Variants in CA12 observed in about 807,000 individuals in gnomAD.
CA12 encodes the protein carbonate dehydratase XII.
Under a neutral mutation model 46.8 loss-of-function variants are expected in CA12, and 36 were observed. The ratio of observed to expected loss-of-function variants is 0.77; its 90% CI spans 0.59 to 1.02. The LOEUF (loss-of-function observed/expected upper bound fraction) is 1.02. CA12 is among the 50% of genes least tolerant of loss of function. The pLI is 0.00. For synonymous variants in CA12, 202 were observed against 187.0 expected, an observed-to-expected ratio of 1.08 and a Z score of -0.65; for missense variants, 436 against 451.4, an observed-to-expected ratio of 0.97 and a Z score of 0.31.
chr15:63,346,782 T>C (rs2039156089), intron 2 of CA12, 73 bp from the exon 3 acceptor site: 1 of 1,480,614 alleles, frequency 6.8e-7, no homozygotes, highest in African/African-American at 1.4e-5. Flanking sequence ...TAATTCTCTG[T>C]TCAATACAAT....
At position 63,381,514 on chromosome 15, in the gene CA12, A is replaced by G. The variant is rs538708560; in HGVS notation, c.85+122T>C. 41 of 820,072 alleles carry G rather than the reference A, an allele frequency of 5.0e-5. No homozygotes were observed. The African/African-American group carries it at 5.0e-4, about 10-fold the overall frequency. 50.8% of individuals were successfully genotyped at this position (820,072 alleles called of 1,614,324 possible). A position where few individuals can be genotyped will look rare whatever the true frequency, so the allele number is the denominator to read the frequency against. On this transcript the variant is annotated intron_variant, in intron 1 of 10. Coordinates refer to ENST00000178638, the MANE Select transcript of CA12 (RefSeq NM_001218.5). ...GAGCATCCTTTCTTGAGAATCTACT[A>G]TTTGGTACTACACCTTCCCTGCTCC...
rs2039548360 is a variant in CA12, at chr15:63,374,599, T to C, written c.106+1059A>G. On this transcript the variant is annotated intron_variant, in intron 2 of 10. Transcript: ENST00000178638. This position sits in a 1 kb window ranked among gnomAD's most constrained non-coding sequence, Gnocchi z 4.4. ...TGTTAGCAATAACGGAGCCGTGCAG[T>C]GCTGGGGCTGAGGGGACCTTGGCCT... 6.6e-6 allele frequency among the ~76,000 whole-genome samples: 1 copy of C among 152,238 alleles called. No homozygotes were observed. Among genetic ancestry groups the C allele is most frequent in the Non-Finnish European group, 1.5e-5 (1 of 68,048 alleles).
In CA12 at chr15:63,381,751, C is replaced by T. The variant is rs1206269352; in HGVS notation, c.-31G>A. On this transcript the variant is annotated 5_prime_UTR_variant, in exon 1 of 11. Transcript: ENST00000178638. ...CGGGCTCCTGCGGGGCGGGCGCGGG[C>T]TGTGCCGGGGGCTCCCGGTGGCCGC... The T allele has an allele frequency of 4.6e-6, 7 of 1,518,408 alleles. No homozygotes were observed. Among genetic ancestry groups the T allele is most frequent in the Non-Finnish European group, 6.2e-6 (7 of 1,124,376 alleles). The allele number at this position is 1,518,408 out of a possible 1,614,324, so 94.1% of individuals were successfully genotyped here. A position where few individuals can be genotyped will look rare whatever the true frequency, so the allele number is the denominator to read the frequency against.
In CA12 at chr15:63,340,821, C is replaced by G. The variant is rs375327149; in HGVS notation, c.526-38G>C. 5 of 1,582,830 alleles carry G rather than the reference C, an allele frequency of 3.2e-6. No homozygotes were observed. Among genetic ancestry groups the G allele is most frequent in the Non-Finnish European group, 4.3e-6 (5 of 1,151,598 alleles). On this transcript the variant is annotated intron_variant, in intron 5 of 10. Coordinates refer to ENST00000178638, the MANE Select transcript of CA12 (RefSeq NM_001218.5). The surrounding 1 kb of genome is among the most constrained non-coding windows in gnomAD (Gnocchi z 4.4). Reference sequence around the variant, plus strand: ...CAGGGCAGGTTAAACTGGGACAGAACAGGATAGGCTGAGCCAGGATTGACG... The same window carrying G: ...CAGGGCAGGTTAAACTGGGACAGAAGAGGATAGGCTGAGCCAGGATTGACG...
chr15:63,345,515 A>G lies in CA12; in HGVS notation c.391T>C (p.Ser131Pro). 6.2e-7 allele frequency: 1 copy of G among 1,612,002 alleles called. No individual in the cohort carries two copies. Among genetic ancestry groups the G allele is most frequent in the Non-Finnish European group, 8.5e-7 (1 of 1,180,006 alleles). Residue 131 changes from serine (S) to proline (P), a missense_variant, in exon 4 of 11, where the codon TCT becomes CCT. By Grantham distance (74) the Ser-to-Pro change is moderately conservative. Transcript: ENST00000178638. The surrounding 1 kb of genome is among the most constrained non-coding windows in gnomAD (Gnocchi z 4.3). The part of the protein sequence containing the change: ...HWGNPNDPHG[S>P]EHTVSGQHFA... ...TGCTGTCCGCTGACGGTGTGCTCAG[A>G]GCCGTGCGGGTCATTCGGGTTCCCC... is the stretch of plus-strand genomic sequence containing the variant.
chr15:63,332,432 G>A (rs2152611347), intron 8 of CA12, among the ~76,000 whole-genome samples: 1 of 152,366 alleles, frequency 6.6e-6, no homozygotes, highest in Non-Finnish European at 1.5e-5. Context: ...CAGGAATGCA[G>A]CCCCTGCAGA....
At position 63,360,791 on chromosome 15, in the gene CA12, C is replaced by G. The variant is rs573481912; in HGVS notation, c.107-14082G>C. On this transcript the variant is annotated intron_variant, in intron 2 of 10. Transcript: ENST00000178638. ...GGTTATTTGTCCCCTCTGTGTTCCA[C>G]AACACCAGCACACGTCATCATAGCA... Among the ~76,000 whole-genome samples the G allele has an allele frequency of 2.2e-4, 34 of 152,334 alleles. No individual in the cohort carries two copies. In the East Asian group the frequency reaches 6.4e-3, roughly 29 times the overall value.
At position 63,345,653 on chromosome 15, in the gene CA12, C is replaced by T. The variant is rs754689732; in HGVS notation, c.287-34G>A. 41 of 1,601,384 alleles carry T rather than the reference C, an allele frequency of 2.6e-5. No homozygotes were observed. Among genetic ancestry groups the T allele is most frequent in the African/African-American group, 4.0e-5 (3 of 74,794 alleles). On this transcript the variant is annotated intron_variant, in intron 3 of 10. Transcript: ENST00000178638. This position sits in a 1 kb window ranked among gnomAD's most constrained non-coding sequence, Gnocchi z 4.3. ...AGTGGAGGAGCAGCCTTCAGAGCCC[C>T]GGCCAGCTGTGCACTGCCAGAGAGC...
rs1190387009 is a variant in CA12, at chr15:63,322,766, TG to T, written c.*3518del. 6.6e-6 allele frequency: 1 copy of T among 152,296 alleles called. No homozygotes were observed. Among genetic ancestry groups the T allele is most frequent in the East Asian group, 1.9e-4 (1 of 5,198 alleles). The allele number at this position is 152,296 out of a possible 1,614,324, so 9.4% of individuals were successfully genotyped here. On this transcript the variant is annotated 3_prime_UTR_variant, in exon 11 of 11. Transcript: ENST00000178638. This position sits in a 1 kb window ranked among gnomAD's most constrained non-coding sequence, Gnocchi z 4.1. Reference sequence around the variant, plus strand: ...CATGCCTGTGCGTGGCCATGACACCTGGCAGGATGCCAGAGCAGGGAGAGCA... The same window carrying T: ...CATGCCTGTGCGTGGCCATGACACCTGCAGGATGCCAGAGCAGGGAGAGCA...
At position 63,328,097 on chromosome 15, in the gene CA12, C is replaced by T; in HGVS notation, c.907+1G>A. On this transcript the variant is annotated splice_donor_variant, in intron 9 of 10. Coordinates refer to ENST00000178638, the MANE Select transcript of CA12 (RefSeq NM_001218.5). LOFTEE classifies it high-confidence loss of function. The surrounding 1 kb of genome is among the most constrained non-coding windows in gnomAD (Gnocchi z 5.9). ...GCACGGCTGGCTGCCCAGCCACATACCCAGACTCAGTCCTGCCGCAGTACA... is the reference window on the plus strand; with the variant it reads ...GCACGGCTGGCTGCCCAGCCACATATCCAGACTCAGTCCTGCCGCAGTACA... The T allele has an allele frequency of 6.2e-7, 1 of 1,613,944 alleles. No homozygotes were observed. Among genetic ancestry groups the T allele is most frequent in the Non-Finnish European group, 8.5e-7 (1 of 1,179,868 alleles).
Position 63,341,995 on chromosome 15 carries a change from C to A in CA12, c.525+7G>T. On this transcript the variant is annotated splice_region_variant and intron_variant, in intron 5 of 10. Coordinates refer to ENST00000178638, the MANE Select transcript of CA12 (RefSeq NM_001218.5). This position sits in a 1 kb window ranked among gnomAD's most constrained non-coding sequence, Gnocchi z 5.2. ...TTTCACCTAAGAACCTTTTAAATAT[C>A]TCTTACCTCAATGAGAACAGCCAGG... 4.4e-6 allele frequency: 7 copies of A among 1,602,292 alleles called. No individual in the cohort carries two copies. The highest frequency in any genetic ancestry group is 6.0e-6 in the Non-Finnish European group (7 of 1,169,326).
Position 63,378,112 on chromosome 15 carries a change from G to C in CA12, c.86-2434C>G, listed in dbSNP as rs1301488177. Among the ~76,000 whole-genome samples, 2 of 152,202 alleles carry C rather than the reference G, an allele frequency of 1.3e-5. No homozygotes were observed. The highest frequency in any genetic ancestry group is 1.5e-5 in the Non-Finnish European group (1 of 68,040). Reference sequence around the variant, plus strand: ...GTAAAAATTTCCCTAAGCTGGCTGGGTACGGTGGCTCACCCCTGTAATCCC... The same window carrying C: ...GTAAAAATTTCCCTAAGCTGGCTGGCTACGGTGGCTCACCCCTGTAATCCC... On this transcript the variant is annotated intron_variant, in intron 1 of 10. Transcript: ENST00000178638. The surrounding 1 kb of genome is among the most constrained non-coding windows in gnomAD (Gnocchi z 4.8).
At chr15:63,376,105 G>A (rs951401551) in intron 1 of CA12, among the ~76,000 whole-genome samples, 1 of 152,104 alleles carries the variant, frequency 6.6e-6, no homozygotes, top group Non-Finnish European at 1.5e-5. Flanking sequence ...CACCATGCCC[G>A]GCCAAATTGA....
rs187652583 is a variant in CA12, at chr15:63,353,712, T to A, written c.107-7003A>T. Among the ~76,000 whole-genome samples the A allele has an allele frequency of 3.6e-4, 54 of 151,984 alleles. 1 individual carries two copies. The highest frequency in any genetic ancestry group is 1.3e-3 in the African/African-American group (54 of 41,354). ...ACATCCTCAGGATGGTGTCTGCATG[T>A]AAAAGCCATTTTTTTAAAGAGATGG... On this transcript the variant is annotated intron_variant, in intron 2 of 10. Coordinates refer to ENST00000178638, the MANE Select transcript of CA12 (RefSeq NM_001218.5).
At chr15:63,346,814 T>C in intron 2 of CA12, 105 bp from the exon 3 acceptor site, 1 of 1,342,574 alleles carries the variant, frequency 7.4e-7, no homozygotes, top group Non-Finnish European at 1.0e-6. Context: ...TCCTCTTTTC[T>C]GAATCCCCGG....
In CA12 at chr15:63,381,732, C is replaced by T. The variant is rs746826270; in HGVS notation, c.-12G>A. The T allele has an allele frequency of 3.2e-6, 5 of 1,573,300 alleles. No individual in the cohort carries two copies. In the African/African-American group the frequency reaches 5.4e-5, roughly 17 times the overall value. ...CTGCGCCGGGGCATCTTCGCGGGCTCCTGCGGGGCGGGCGCGGGCTGTGCC... is the reference window on the plus strand; with the variant it reads ...CTGCGCCGGGGCATCTTCGCGGGCTTCTGCGGGGCGGGCGCGGGCTGTGCC... On this transcript the variant is annotated 5_prime_UTR_variant, in exon 1 of 11. Coordinates refer to ENST00000178638, the MANE Select transcript of CA12 (RefSeq NM_001218.5).
At chr15:63,350,387 C>A (rs567516794) in intron 2 of CA12, among the ~76,000 whole-genome samples, 1 of 152,300 alleles carries the variant, frequency 6.6e-6, no homozygotes, top group East Asian at 1.9e-4. Context: ...TGCTCCACTG[C>A]CAGAAATCCT....
chr15:63,372,876 C>T lies in CA12; in HGVS notation c.106+2782G>A, dbSNP rs115395900. On this transcript the variant is annotated intron_variant, in intron 2 of 10. Transcript: ENST00000178638. The surrounding 1 kb of genome is among the most constrained non-coding windows in gnomAD (Gnocchi z 4.5). Reference sequence around the variant, plus strand: ...AACCAGACTTGCCTTTGTGCTTACCCCATGCATGTCCATGCATCATTAGAC... The same window carrying T: ...AACCAGACTTGCCTTTGTGCTTACCTCATGCATGTCCATGCATCATTAGAC... 1.7e-3 allele frequency among the ~76,000 whole-genome samples: 255 copies of T among 152,334 alleles called. 1 individual carries two copies. The highest frequency in any genetic ancestry group is 5.9e-3 in the African/African-American group (245 of 41,576).
rs2039524497 is a variant in CA12, at chr15:63,372,841, C to T, written c.106+2817G>A. On this transcript the variant is annotated intron_variant, in intron 2 of 10. Transcript: ENST00000178638. The surrounding 1 kb of genome is among the most constrained non-coding windows in gnomAD (Gnocchi z 4.5). Reference sequence around the variant, plus strand: ...GACTCCACATCACACATGCCCATGTCACTAATAAAAACCAGACTTGCCTTT... The same window carrying T: ...GACTCCACATCACACATGCCCATGTTACTAATAAAAACCAGACTTGCCTTT... Among the ~76,000 whole-genome samples the T allele has an allele frequency of 6.6e-6, 1 of 152,222 alleles. No individual in the cohort carries two copies. The highest frequency in any genetic ancestry group is 2.1e-4 in the South Asian group (1 of 4,826).
Sources: gnomAD v4.1 joint callset for allele counts (sites outside exome capture counted in the v4.1 genomes callset) on GRCh38, gnomAD v4.1.1 for gene constraint, Gnocchi (gnomAD v3.1) non-coding constraint, MANE v1.5 for transcripts, NCBI Gene and HGNC (gene_info 2026-07-23, HGNC 2026-07-21) for gene names.